CAMK1D: variants seen among roughly 807,000 people sequenced by gnomAD.
CAMK1D encodes the protein calcium/calmodulin dependent protein kinase ID.
A neutral mutation model predicts 47.7 loss-of-function variants in CAMK1D; 9 were observed. That is an observed-to-expected ratio of 0.19 (90% CI 0.11 to 0.33). The LOEUF (loss-of-function observed/expected upper bound fraction) is 0.33, where lower values mean the gene tolerates loss of function less well. Among genes scored for constraint, CAMK1D ranks in the 10% least tolerant of loss-of-function variants. The pLI, the probability that CAMK1D is intolerant of heterozygous loss-of-function variation, is 1.00. For synonymous variants in CAMK1D, 184 were observed against 184.9 expected (o/e 0.99, Z 0.04); for missense variants, 291 against 488.7 (o/e 0.60, Z 3.81).
intron 3 of CAMK1D, among the ~76,000 whole-genome samples, chr10:12,683,741 G>GGTGTGTGTGT (rs10554443): frequency 2.5e-4 from 36 of 144,978 alleles, no homozygotes; most frequent in African/African-American, 6.9e-4. Flanking sequence ...TAGGAATCCA[G>GGTGTGTGTGT]GTGTGTGTGT....
At chr10:12,554,081 A>G (rs1174637928) in intron 2 of CAMK1D, among the ~76,000 whole-genome samples, 1 of 150,622 alleles carries the variant, frequency 6.6e-6, no homozygotes, top group East Asian at 1.9e-4. Flanking sequence ...TGTAATAGAA[A>G]TAAAATAGAT....
intron 1 of CAMK1D, among the ~76,000 whole-genome samples, chr10:12,486,531 GCA>G (rs3995703): frequency 0.024 from 3,472 of 147,044 alleles, 47 homozygotes; most frequent in African/African-American, 0.031. Context: ...GTGTGCGCGT[GCA>G]CACACACACA....
intron 1 of CAMK1D, among the ~76,000 whole-genome samples, chr10:12,370,758 G>A (rs549579502): frequency 1.2e-4 from 19 of 152,126 alleles, no homozygotes; most frequent in African/African-American, 3.9e-4. Context: ...ACAGGCATGC[G>A]CCACCACGCC....
At chr10:12,711,768 C>T (rs745450587) in intron 3 of CAMK1D, among the ~76,000 whole-genome samples, 3 of 152,180 alleles carry the variant, frequency 2.0e-5, no homozygotes, top group Non-Finnish European at 4.4e-5. Context: ...TCTGTCTACA[C>T]CCTGTTTTTA....
chr10:12,500,826 T>C (rs1234256987), intron 1 of CAMK1D, among the ~76,000 whole-genome samples: 1 of 152,256 alleles, frequency 6.6e-6, no homozygotes, highest in Non-Finnish European at 1.5e-5. Context: ...TGATTAAAAA[T>C]GACATGATCA....
Position 12,349,790 on chromosome 10 carries a change from G to T in CAMK1D, c.-29G>T, listed in dbSNP as rs760797946. ...GCGCCCCCTCCCCAGCGCGCCCCCGGCCGCTCCTCCGCGCCGCGCTCGTCG... is the reference window on the plus strand; with the variant it reads ...GCGCCCCCTCCCCAGCGCGCCCCCGTCCGCTCCTCCGCGCCGCGCTCGTCG... On this transcript the variant is annotated 5_prime_UTR_variant, in exon 1 of 11. Coordinates refer to ENST00000619168, the MANE Select transcript of CAMK1D (RefSeq NM_153498.4). The T allele has an allele frequency of 6.2e-6, 8 of 1,285,088 alleles. No homozygotes were observed. The African/African-American group carries it at 1.1e-4, about 18-fold the overall frequency. 79.6% of individuals were successfully genotyped at this position (1,285,088 alleles called of 1,614,324 possible).
chr10:12,534,911 A>G (rs1835921522), intron 1 of CAMK1D, among the ~76,000 whole-genome samples: 1 of 152,064 alleles, frequency 6.6e-6, no homozygotes, highest in South Asian at 2.1e-4. Context: ...TGCCCATGTC[A>G]TTCATTTAGG....
chr10:12,597,601 G>A (rs1394722354), intron 2 of CAMK1D, among the ~76,000 whole-genome samples: 1 of 152,182 alleles, frequency 6.6e-6, no homozygotes, highest in Non-Finnish European at 1.5e-5. Context: ...CACTTCCATG[G>A]CCCAGTTGTT....
chr10:12,731,261 A>C (rs1451802404), intron 3 of CAMK1D, among the ~76,000 whole-genome samples: 1 of 152,170 alleles, frequency 6.6e-6, no homozygotes, highest in African/African-American at 2.4e-5. Context: ...TCCTCTATGA[A>C]GGGAGAGAAT....
intron 5 of CAMK1D, among the ~76,000 whole-genome samples, chr10:12,790,082 G>T (rs1426871436): frequency 1.3e-5 from 2 of 152,244 alleles, no homozygotes; most frequent in African/African-American, 4.8e-5. Flanking sequence ...CCCAAGGCCA[G>T]TAAAAGAGAA....
intron 2 of CAMK1D, among the ~76,000 whole-genome samples, chr10:12,625,215 A>G (rs1839170830): frequency 6.7e-6 from 1 of 149,830 alleles, no homozygotes; most frequent in South Asian, 2.2e-4. Context: ...GCATGCCTGT[A>G]ATCCCAGCTA....
At chr10:12,564,486 G>T (rs1411132939) in intron 2 of CAMK1D, among the ~76,000 whole-genome samples, 1 of 152,136 alleles carries the variant, frequency 6.6e-6, no homozygotes, top group Non-Finnish European at 1.5e-5. Flanking sequence ...GTGAAGTCCA[G>T]GGCTATCGTT....
intron 1 of CAMK1D, among the ~76,000 whole-genome samples, chr10:12,527,824 A>C (rs1835677027): frequency 1.3e-5 from 2 of 152,182 alleles, no homozygotes; most frequent in South Asian, 4.1e-4. Context: ...TGGTTTTTGT[A>C]TTCTGTGCAG....
At chr10:12,388,603 T>C (rs1838606968) in intron 1 of CAMK1D, among the ~76,000 whole-genome samples, 1 of 152,230 alleles carries the variant, frequency 6.6e-6, no homozygotes, top group Admixed American at 6.5e-5. Context: ...CATACCTGTC[T>C]GCTAATTGCA....
chr10:12,761,392 T>C (rs1420638880), intron 4 of CAMK1D, among the ~76,000 whole-genome samples: 1 of 152,102 alleles, frequency 6.6e-6, no homozygotes, highest in Non-Finnish European at 1.5e-5. Context: ...ACGATTTTGC[T>C]CAAGACACGT....
rs1564495577 is a variant in CAMK1D, at chr10:12,691,398, TATATAAATATATATATATATATA to T, written c.299+24589_299+24611del. Among the ~76,000 whole-genome samples the T allele has an allele frequency of 7.8e-3, 56 of 7,202 alleles. 1 individual carries two copies. The highest frequency in any genetic ancestry group is 0.013 in the East Asian group (2 of 158). The allele number at this position is 7,202 out of a possible 152,430, so 4.7% of individuals were successfully genotyped here. On this transcript the variant is annotated intron_variant, in intron 3 of 10. Transcript: ENST00000619168. ...ATATAAATATATATATATATATATATATATAAATATATATATATATATATTTTTTTTTTTTTTTTTTTTTTTTT... is the reference window on the plus strand; with the variant it reads ...ATATAAATATATATATATATATATATTTTTTTTTTTTTTTTTTTTTTTTTT...
intron 3 of CAMK1D, among the ~76,000 whole-genome samples, chr10:12,694,080 TATGTATA>T (rs1395407277): frequency 3.6e-4 from 18 of 49,618 alleles, no homozygotes; most frequent in African/African-American, 1.0e-3. Context: ...TAAAAAATAT[TATGTATA>T]ATATATATTA....
chr10:12,669,127 G>C (rs1840525729), intron 3 of CAMK1D, among the ~76,000 whole-genome samples: 1 of 152,122 alleles, frequency 6.6e-6, no homozygotes, highest in Admixed American at 6.5e-5. Flanking sequence ...ATCTACTCAG[G>C]AGGCTGAGGC....
At chr10:12,659,491 A>G (rs1840212389) in intron 2 of CAMK1D, among the ~76,000 whole-genome samples, 1 of 152,214 alleles carries the variant, frequency 6.6e-6, no homozygotes, top group Non-Finnish European at 1.5e-5. Flanking sequence ...GTTTATTAAA[A>G]TGAAAGGTAT....
Sources: gnomAD v4.1 joint callset for allele counts (sites outside exome capture counted in the v4.1 genomes callset) on GRCh38, gnomAD v4.1.1 for gene constraint, MANE v1.5 for transcripts, NCBI Gene and HGNC (gene_info 2026-07-23, HGNC 2026-07-21) for gene names.